Variants in DDHD1 observed in about 807,000 individuals in gnomAD.
DDHD1 encodes the protein phospholipase DDHD1.
Under a neutral mutation model 96.4 loss-of-function variants are expected in DDHD1, and 49 were observed. The observed-to-expected ratio is 0.51, with a 90% CI of 0.40 to 0.64. The LOEUF (loss-of-function observed/expected upper bound fraction) is 0.64. Among genes scored for constraint, DDHD1 ranks in the 30% least tolerant of loss-of-function variants. The probability of loss-of-function intolerance (pLI) is 0.00; values close to 1 mark genes in which losing one functional copy is unlikely to be tolerated. For synonymous variants in DDHD1, 442 were observed against 446.5 expected (o/e 0.99, Z 0.13); for missense variants, 1,106 against 1,161.2 (o/e 0.95, Z 0.69).
chr14:53,058,708 G>A lies in DDHD1; in HGVS notation c.1843-82C>T, dbSNP rs1030332753. On this transcript the variant is annotated intron_variant, in intron 8 of 12. Transcript: ENST00000673822. ...AAATTTGGGCATAACGTAATATATG[G>A]CAAAATACAAATAATAAAATATCTT... 53 of 1,237,088 alleles carry A rather than the reference G, an allele frequency of 4.3e-5. No homozygotes were observed. The Middle Eastern group carries it at 1.2e-3, about 27-fold the overall frequency. 76.6% of individuals were successfully genotyped at this position (1,237,088 alleles called of 1,614,324 possible).
chr14:53,040,563 C>T lies in DDHD1; in HGVS notation c.*6205G>A, dbSNP rs1881577535. 1 of 152,186 alleles carries T rather than the reference C, an allele frequency of 6.6e-6. No homozygotes were observed. The highest frequency in any genetic ancestry group is 1.5e-5 in the Non-Finnish European group (1 of 68,030). 9.4% of individuals were successfully genotyped at this position (152,186 alleles called of 1,614,324 possible). The stretch of plus-strand genomic sequence containing the variant: ...AGGAGAAAACATTTACCTCTCACTT[C>T]TTTGAAATTATTAAATGTGCATGCA... On this transcript the variant is annotated 3_prime_UTR_variant, in exon 13 of 13. Coordinates refer to ENST00000673822, the MANE Select transcript of DDHD1 (RefSeq NM_001160148.2).
intron 4 of DDHD1, among the ~76,000 whole-genome samples, chr14:53,084,010 G>C (rs1308443229): frequency 6.6e-6 from 1 of 152,072 alleles, no homozygotes; most frequent in African/African-American, 2.4e-5. Flanking sequence ...TTAAGATGAA[G>C]TCAACTTCCA....
chr14:53,137,430 A>C (rs1277435917), intron 1 of DDHD1, among the ~76,000 whole-genome samples: 1 of 135,048 alleles, frequency 7.4e-6, no homozygotes, highest in Non-Finnish European at 1.7e-5. Flanking sequence ...TGTCTCTACT[A>C]AAAATACAAA....
rs1427501129 is a variant in DDHD1 at position 53,044,188 on chromosome 14, T to C, written c.*2580A>G. The C allele has an allele frequency of 2.0e-5, 3 of 152,188 alleles. No individual in the cohort carries two copies. Among genetic ancestry groups the C allele is most frequent in the African/African-American group, 2.4e-5 (1 of 41,460 alleles). The allele number at this position is 152,188 out of a possible 1,614,324, so 9.4% of individuals were successfully genotyped here. ...ACTACAAAACCGAAATCACCATCTC[T>C]ACTGATGAAAAATGAACTGAAAACA... On this transcript the variant is annotated 3_prime_UTR_variant, in exon 13 of 13. Transcript: ENST00000673822.
intron 1 of DDHD1, among the ~76,000 whole-genome samples, chr14:53,136,240 A>G (rs962149130): frequency 2.0e-5 from 3 of 152,204 alleles, no homozygotes; most frequent in African/African-American, 7.2e-5. Context: ...TTTCGGACTC[A>G]GCCCGCCTGC....
intron 8 of DDHD1, among the ~76,000 whole-genome samples, chr14:53,059,422 T>G (rs1025224216): frequency 2.4e-4 from 37 of 151,752 alleles, no homozygotes; most frequent in Non-Finnish European, 4.9e-4. Flanking sequence ...TTTTTTTGTA[T>G]TTTTAGTAGA....
At chr14:53,065,854 C>T (rs993760517) in intron 6 of DDHD1, among the ~76,000 whole-genome samples, 2 of 152,180 alleles carry the variant, frequency 1.3e-5, no homozygotes, top group Admixed American at 1.3e-4. Context: ...TTACAGTCAA[C>T]AAACATGTTC....
intron 1 of DDHD1, among the ~76,000 whole-genome samples, chr14:53,116,463 A>G (rs867860748): frequency 2.6e-5 from 4 of 152,216 alleles, no homozygotes; most frequent in African/African-American, 9.6e-5. Flanking sequence ...AAATGACCAC[A>G]TAATTGGAAG....
At chr14:53,122,635 T>C (rs369993066) in intron 1 of DDHD1, among the ~76,000 whole-genome samples, 91 of 150,784 alleles carry the variant, frequency 6.0e-4, no homozygotes, top group African/African-American at 2.1e-3. Context: ...TGGAGTGCAG[T>C]GGTGCGATCT....
intron 4 of DDHD1, among the ~76,000 whole-genome samples, chr14:53,077,711 A>C (rs1333728112): frequency 1.3e-5 from 2 of 150,762 alleles, no homozygotes; most frequent in Non-Finnish European, 2.9e-5. Flanking sequence ...TAGTATATTC[A>C]AAGAGTTATG....
rs1180193651 is a variant in DDHD1 at position 53,041,693 on chromosome 14, TTTC to T, written c.*5072_*5074del. ...TTGATTTTCTTTTTGTTGTTTTGTA[TTTC>T]TTCTTCTTTTTCCTGGGTATTTTGA... On this transcript the variant is annotated 3_prime_UTR_variant, in exon 13 of 13. Coordinates refer to ENST00000673822, the MANE Select transcript of DDHD1 (RefSeq NM_001160148.2). 5 of 152,238 alleles carry T rather than the reference TTTC, an allele frequency of 3.3e-5. No individual in the cohort carries two copies. The highest frequency in any genetic ancestry group is 3.8e-4 in the East Asian group (2 of 5,204). The allele number at this position is 152,238 out of a possible 1,614,324, so 9.4% of individuals were successfully genotyped here. A position where few individuals can be genotyped will look rare whatever the true frequency, so the allele number is the denominator to read the frequency against.
chr14:53,115,616 C>A (rs1888484331), intron 1 of DDHD1, among the ~76,000 whole-genome samples: 1 of 152,092 alleles, frequency 6.6e-6, no homozygotes, highest in African/African-American at 2.4e-5. Flanking sequence ...AATTTCATAT[C>A]CAGCCAAACT....
chr14:53,110,525 A>C (rs8011556), intron 1 of DDHD1, among the ~76,000 whole-genome samples: 111,416 of 152,130 alleles, frequency 0.73, 43,615 homozygotes, highest in East Asian at 0.96. Context: ...CTTCTTCAGG[A>C]AAGCCTTTCT....
In DDHD1 at chr14:53,054,475, G is replaced by GGTCTGT. The variant is rs1882867727; in HGVS notation, c.2394_2399dup (p.Gln799_Thr800dup). On this transcript the variant is annotated inframe_insertion, in exon 11 of 13. Coordinates refer to ENST00000673822, the MANE Select transcript of DDHD1 (RefSeq NM_001160148.2). ...GGAAGCCAGAACTGCTATGTGGAAG[G>GGTCTGT]GTCTGTGTCCCTACGGTGGTAGCAG... 3.7e-6 allele frequency: 6 copies of GGTCTGT among 1,614,074 alleles called. No homozygotes were observed. The highest frequency in any genetic ancestry group is 5.1e-6 in the Non-Finnish European group (6 of 1,179,974).
intron 4 of DDHD1, among the ~76,000 whole-genome samples, chr14:53,076,289 C>T (rs916888775): frequency 2.6e-5 from 4 of 152,042 alleles, no homozygotes; most frequent in Non-Finnish European, 5.9e-5. Flanking sequence ...GAAATGGATT[C>T]CAACCCTCAT....
intron 1 of DDHD1, among the ~76,000 whole-genome samples, chr14:53,140,007 T>C (rs1224694048): frequency 6.6e-6 from 1 of 152,016 alleles, no homozygotes; most frequent in African/African-American, 2.4e-5. Context: ...AAATAGAAAC[T>C]ACAAGTCAAA....
chr14:53,137,751 G>A (rs1480265985), intron 1 of DDHD1, among the ~76,000 whole-genome samples: 4 of 152,116 alleles, frequency 2.6e-5, no homozygotes, highest in Non-Finnish European at 5.9e-5. Context: ...AATAAATTTG[G>A]AGAATAGCCA....
In DDHD1 at chr14:53,099,859, T is replaced by C. The variant is rs2139706806; in HGVS notation, c.1012+3824A>G. ...CTAAATTTAGATTAAAGTATCTAAA[T>C]CACAAAGTCATTATCTCTTTGTGGG... On this transcript the variant is annotated intron_variant, in intron 2 of 12. Coordinates refer to ENST00000673822, the MANE Select transcript of DDHD1 (RefSeq NM_001160148.2). 3.9e-5 allele frequency among the ~76,000 whole-genome samples: 6 copies of C among 152,302 alleles called. 2 individuals carry two copies. The Middle Eastern group carries it at 0.02, about 518-fold the overall frequency.
rs980081537 is a variant in DDHD1, at chr14:53,079,362, GACA to G, written c.1290-5518_1290-5516del. On this transcript the variant is annotated intron_variant, in intron 4 of 12. Transcript: ENST00000673822. ...AGTGCAGTGGCTAGTCACTGGAACC[GACA>G]TGTACTATAGCCTGGAACTCCTGCT... Among the ~76,000 whole-genome samples, 4 of 152,012 alleles carry G rather than the reference GACA, an allele frequency of 2.6e-5. No individual in the cohort carries two copies. The South Asian group carries it at 8.3e-4, about 32-fold the overall frequency.
Sources: allele counts gnomAD v4.1 joint callset (sites outside exome capture counted in the v4.1 genomes callset), GRCh38; gene constraint gnomAD v4.1.1; transcripts MANE v1.5; gene names NCBI Gene and HGNC (gene_info 2026-07-23, HGNC 2026-07-21).